Variants in SOX8 observed in about 807,000 individuals in gnomAD.
SOX8 encodes transcription factor SOX-8.
SOX8 carries 9 observed loss-of-function variants against 22.9 expected under a neutral mutation model. The observed-to-expected ratio is 0.39, with a 90% CI of 0.24 to 0.69. The LOEUF (loss-of-function observed/expected upper bound fraction) is 0.69, where lower values mean the gene tolerates loss of function less well. SOX8 is among the 30% of genes least tolerant of loss of function. SOX8 has a pLI of 0.43. For synonymous variants in SOX8, 416 were observed against 330.6 expected (o/e 1.26, Z -2.80); for missense variants, 734 against 699.4 (o/e 1.05, Z -0.56).
chr16:985,021 G>A lies in SOX8; in HGVS notation c.976G>A (p.Ala326Thr), dbSNP rs781343760. The A allele has an allele frequency of 6.0e-5, 91 of 1,515,946 alleles. 1 individual carries two copies. Among genetic ancestry groups the A allele is most frequent in the African/African-American group, 1.9e-4 (12 of 61,552 alleles). 93.9% of individuals were successfully genotyped at this position (1,515,946 alleles called of 1,614,324 possible). ...CCACAAGAGTGCCCCGTCGGCCTCC[G>A]CGTCGCCCACCGAGACGGGTCCCCC... is the stretch of plus-strand genomic sequence containing the variant. ...WAHKSAPSAS[A>T]SPTETGPPRP... Residue 326 changes from alanine to threonine, a missense_variant, in exon 3 of 3, where the codon GCG (alanine) becomes ACG (threonine). This residue lies in a region of SOX8 where 588 missense variants were observed against 568.2 expected (regional missense o/e 1.03). Coordinates refer to ENST00000293894, the MANE Select transcript of SOX8 (RefSeq NM_014587.5).
In SOX8 at chr16:981,917, G is replaced by C. The variant is rs765665070; in HGVS notation, c.-6G>C. 2.4e-6 allele frequency: 3 copies of C among 1,275,702 alleles called. No individual in the cohort carries two copies. In the East Asian group the frequency reaches 1.1e-4, roughly 45 times the overall value. 79.0% of individuals were successfully genotyped at this position (1,275,702 alleles called of 1,614,324 possible). On this transcript the variant is annotated 5_prime_UTR_variant, in exon 1 of 3. Transcript: ENST00000293894. ...TCCTGTGCGCGCCCCTCCGCGCGCG[G>C]CCCCGATGCTGGACATGAGCGAGGC...
At position 982,032 on chromosome 16, in the gene SOX8, C is replaced by T. The variant is rs762073600; in HGVS notation, c.110C>T (p.Ala37Val). The change falls in exon 1 of 3, where the codon GCC (alanine) becomes GTC (valine). Residue 37 changes from alanine to valine, a missense_variant. This residue lies in a region of SOX8 where 139 missense variants were observed against 109.1 expected (regional missense o/e 1.27). Coordinates refer to ENST00000293894, the MANE Select transcript of SOX8 (RefSeq NM_014587.5). ...GACTCGGACGCGCCGCCGTCTCCCG[C>T]CGGCTCCGAGGGCCTGGGCCGCGCG... ...DSDSDAPPSP[A>V]GSEGLGRAGV... The T allele has an allele frequency of 7.2e-7, 1 of 1,383,034 alleles. No homozygotes were observed. The highest frequency in any genetic ancestry group is 9.4e-7 in the Non-Finnish European group (1 of 1,069,308). 85.7% of individuals were successfully genotyped at this position (1,383,034 alleles called of 1,614,324 possible).
In SOX8 at chr16:985,137, G is replaced by C. The variant is rs745730363; in HGVS notation, c.1092G>C (p.Gln364His). ...CCGACTACGGTTCCTGCAGCGGCCA[G>C]TCCAGCGCCACCCCGGCCGCCCCCG... Reference protein sequence around the residue: ...GSPDYGSCSGQSSATPAAPAG... With the variant: ...GSPDYGSCSGHSSATPAAPAG... The change falls in exon 3 of 3, where the codon CAG becomes CAC. Residue 364 changes from glutamine (Q) to histidine (H), a missense_variant. Gln to His is a conservative substitution (Grantham distance 24, BLOSUM62 0). Transcript: ENST00000293894. The C allele has an allele frequency of 6.2e-7, 1 of 1,601,274 alleles. No homozygotes were observed. Among genetic ancestry groups the C allele is most frequent in the Non-Finnish European group, 8.5e-7 (1 of 1,175,974 alleles).
Position 983,791 on chromosome 16 carries a change from CAAG to C in SOX8, c.490_492del (p.Lys164del). The C allele has an allele frequency of 6.2e-7, 1 of 1,612,824 alleles. No homozygotes were observed. Among genetic ancestry groups the C allele is most frequent in the Non-Finnish European group, 8.5e-7 (1 of 1,179,834 alleles). ...AGGCAGAGCGCCTTCGCGTGCAGCA[CAAG>C]AAGGACCACCCCGACTACAAGTACC... On this transcript the variant is annotated inframe_deletion, in exon 2 of 3. Transcript: ENST00000293894.
Position 985,203 on chromosome 16 carries a change from G to A in SOX8, c.1158G>A (p.Leu386=), listed in dbSNP as rs1321958035. 6.2e-7 allele frequency: 1 copy of A among 1,611,788 alleles called. No individual in the cohort carries two copies. The highest frequency in any genetic ancestry group is 8.5e-7 in the Non-Finnish European group (1 of 1,179,502). Residue 386 remains leucine (L), a synonymous_variant, in exon 3 of 3, where the codon CTG becomes CTA. Coordinates refer to ENST00000293894, the MANE Select transcript of SOX8 (RefSeq NM_014587.5). The part of the protein sequence containing the change: ...FAGSQGDYGD[L]QASSYYGAYP... ...GCTCACAGGGCGACTATGGCGACCT[G>A]CAGGCCTCCAGCTACTATGGTGCCT...
rs923571995 is a variant in SOX8, at chr16:983,839, C to T, written c.534C>T (p.Ser178=). 4.3e-6 allele frequency: 7 copies of T among 1,612,760 alleles called. No homozygotes were observed. The South Asian group carries it at 4.4e-5, about 10-fold the overall frequency. ...AGTACCAGCCACGGCGCAGGAAGAGCGCCAAAGCCGGCCACAGCGACTCCG... is the reference window on the plus strand; with the variant it reads ...AGTACCAGCCACGGCGCAGGAAGAGTGCCAAAGCCGGCCACAGCGACTCCG... ...DYKYQPRRRK[S]AKAGHSDSDS... The change falls in exon 2 of 3, where the codon AGC becomes AGT. Residue 178 remains serine (S), a synonymous_variant. Coordinates refer to ENST00000293894, the MANE Select transcript of SOX8 (RefSeq NM_014587.5).
rs1464929155 is a variant in SOX8, at chr16:985,243, C to A, written c.1198C>A (p.Pro400Thr). Residue 400 changes from proline (P) to threonine (T), a missense_variant, in exon 3 of 3, where the codon CCC becomes ACC. Physicochemically the swap from Pro to Thr is conservative, Grantham distance 38 (BLOSUM62 -1). Transcript: ENST00000293894. ...CTATGGTGCCTACCCTGGCTACGCACCCGGCCTCTACCAGTACCCCTGCTT... is the reference window on the plus strand; with the variant it reads ...CTATGGTGCCTACCCTGGCTACGCAACCGGCCTCTACCAGTACCCCTGCTT... ...SYYGAYPGYA[P>T]GLYQYPCFHS... The A allele has an allele frequency of 6.2e-7, 1 of 1,612,170 alleles. No individual in the cohort carries two copies. Among genetic ancestry groups the A allele is most frequent in the Admixed American group, 1.7e-5 (1 of 60,010 alleles).
At position 985,421 on chromosome 16, in the gene SOX8, G is replaced by GC; in HGVS notation, c.*35_*36insC. On this transcript the variant is annotated 3_prime_UTR_variant, in exon 3 of 3. Transcript: ENST00000293894. ...CGCGGGGAGGGACTCGCAGGCGTCA[G>GC]GGGGCAGCCTTGTCCCGGCCCAGTG... is the stretch of plus-strand genomic sequence containing the variant. The GC allele has an allele frequency of 1.4e-6, 2 of 1,475,556 alleles. No individual in the cohort carries two copies. The highest frequency in any genetic ancestry group is 2.6e-5 in the South Asian group (2 of 75,836). 91.4% of individuals were successfully genotyped at this position (1,475,556 alleles called of 1,614,324 possible). A position where few individuals can be genotyped will look rare whatever the true frequency, so the allele number is the denominator to read the frequency against.
intron 2 of SOX8, among the ~76,000 whole-genome samples, chr16:984,420 C>T (rs1334574718): frequency 2.6e-5 from 4 of 152,168 alleles, no homozygotes; most frequent in African/African-American, 4.8e-5. Flanking sequence ...GCCCTGTAAA[C>T]CCCAGCTCTG....
Position 985,151 on chromosome 16 carries a change from C to G in SOX8, c.1106C>G (p.Pro369Arg). The change falls in exon 3 of 3, where the codon CCG (proline) becomes CGG (arginine). Residue 369 changes from proline to arginine, a missense_variant. This residue lies in a region of SOX8 where 588 missense variants were observed against 568.2 expected (regional missense o/e 1.03). Transcript: ENST00000293894. ...TGCAGCGGCCAGTCCAGCGCCACCC[C>G]GGCCGCCCCCGCCGGCCCCTTCGCC... ...GSCSGQSSAT[P>R]AAPAGPFAGS... 3.7e-6 allele frequency: 6 copies of G among 1,603,848 alleles called. No homozygotes were observed. Among genetic ancestry groups the G allele is most frequent in the Non-Finnish European group, 5.1e-6 (6 of 1,176,280 alleles).
chr16:986,732 T>G lies in SOX8; in HGVS notation c.*1346T>G, dbSNP rs1369980740. On this transcript the variant is annotated 3_prime_UTR_variant, in exon 3 of 3. Transcript: ENST00000293894. ...ACTTAAACACAGCCGAGAAGTTGCTTCTTTGTACTTTTTCTACTTTTCCTA... is the reference window on the plus strand; with the variant it reads ...ACTTAAACACAGCCGAGAAGTTGCTGCTTTGTACTTTTTCTACTTTTCCTA... 2 of 152,260 alleles carry G rather than the reference T, an allele frequency of 1.3e-5. No individual in the cohort carries two copies. The highest frequency in any genetic ancestry group is 2.9e-5 in the Non-Finnish European group (2 of 68,004). 9.4% of individuals were successfully genotyped at this position (152,260 alleles called of 1,614,324 possible).
intron 2 of SOX8, 121 bp downstream of exon 2, chr16:984,081 T>C: frequency 2.3e-6 from 2 of 877,768 alleles, no homozygotes; most frequent in Non-Finnish European, 1.6e-6. Flanking sequence ...AACCGGGCCT[T>C]CCCCGGGTTC....
rs2072042 is a variant in SOX8 at position 986,640 on chromosome 16, T to C, written c.*1254T>C. The stretch of plus-strand genomic sequence containing the variant: ...CCTGATTCACCTGCACTGCTTCCCC[T>C]GTGTGCTGAGCATAGAGCATACAAT... On this transcript the variant is annotated 3_prime_UTR_variant, in exon 3 of 3. Coordinates refer to ENST00000293894, the MANE Select transcript of SOX8 (RefSeq NM_014587.5). 0.56 allele frequency: 85,063 copies of C among 152,424 alleles called. 25,170 individuals carry two copies. Among genetic ancestry groups the C allele is most frequent in the African/African-American group, 0.77 (31,932 of 41,522 alleles). The allele number at this position is 152,424 out of a possible 1,614,324, so 9.4% of individuals were successfully genotyped here.
In SOX8 at chr16:982,294, C is replaced by A; in HGVS notation, c.372C>A (p.Tyr124Ter). The A allele has an allele frequency of 6.7e-7, 1 of 1,492,124 alleles. No individual in the cohort carries two copies. 92.4% of individuals were successfully genotyped at this position (1,492,124 alleles called of 1,614,324 possible). Residue 124 changes from tyrosine to a stop codon, truncating the protein, a stop_gained, in exon 1 of 3, where the codon TAC (tyrosine) becomes TAA (stop). Transcript: ENST00000293894. LOFTEE classifies it high-confidence loss of function. ...QAARRKLADQ[Y>*]PHLHNAELSK... ...CGCGCCGCAAGCTGGCCGACCAGTA[C>A]CCGCACCTGCACAACGCCGAGCTCA...
Position 985,357 on chromosome 16 carries a change from C to G in SOX8, c.1312C>G (p.Pro438Ala). The change falls in exon 3 of 3, where the codon CCG (proline) becomes GCG (alanine). Residue 438 changes from proline to alanine, a missense_variant. This residue lies in a region of SOX8 where 588 missense variants were observed against 568.2 expected (regional missense o/e 1.03). Transcript: ENST00000293894. ...CAGCCCCACCAGTCACTGGGACCAG[C>G]CGGTGTACACCACCCTGACCAGGCC... The part of the protein sequence containing the change: ...AHSPTSHWDQ[P>A]VYTTLTRP 1 of 1,581,222 alleles carries G rather than the reference C, an allele frequency of 6.3e-7. No individual in the cohort carries two copies. The highest frequency in any genetic ancestry group is 8.5e-7 in the Non-Finnish European group (1 of 1,169,826).
rs2073398800 is a variant in SOX8, at chr16:982,199, G to C, written c.277G>C (p.Gly93Arg). 1 of 1,509,270 alleles carries C rather than the reference G, an allele frequency of 6.6e-7. No homozygotes were observed. The allele number at this position is 1,509,270 out of a possible 1,614,324, so 93.5% of individuals were successfully genotyped here. Residue 93 changes from glycine to arginine, a missense_variant, in exon 1 of 3, where the codon GGC becomes CGC. Coordinates refer to ENST00000293894, the MANE Select transcript of SOX8 (RefSeq NM_014587.5). The stretch of plus-strand genomic sequence containing the variant: ...GCCCATGCCGGTGCGCGGCGGCGGC[G>C]GCGGCGCGCTCAAAGCCAAGCCGCA... ...LVPMPVRGGG[G>R]GALKAKPHVK...
chr16:984,648 A>T, intron 2 of SOX8, 53 bp from the exon 3 acceptor site: 4 of 1,208,988 alleles, frequency 3.3e-6, no homozygotes, highest in Non-Finnish European at 4.4e-6. Context: ...GGCCGGCCCC[A>T]CCCGCCCCAC....
Position 982,066 on chromosome 16 carries a change from G to C in SOX8, c.144G>C (p.Ala48=). ...GSEGLGRAGV[A]VGGARGDPAE... Reference sequence around the variant, plus strand: ...AGGGCCTGGGCCGCGCGGGGGTCGCGGTGGGGGGCGCCCGGGGCGACCCGG... The same window carrying C: ...AGGGCCTGGGCCGCGCGGGGGTCGCCGTGGGGGGCGCCCGGGGCGACCCGG... The change falls in exon 1 of 3, where the codon GCG becomes GCC. Residue 48 remains alanine (A), a synonymous_variant. Coordinates refer to ENST00000293894, the MANE Select transcript of SOX8 (RefSeq NM_014587.5). 1 of 1,296,478 alleles carries C rather than the reference G, an allele frequency of 7.7e-7. No individual in the cohort carries two copies. The highest frequency in any genetic ancestry group is 9.7e-7 in the Non-Finnish European group (1 of 1,031,712). The allele number at this position is 1,296,478 out of a possible 1,614,324, so 80.3% of individuals were successfully genotyped here.
chr16:983,835 A>G lies in SOX8; in HGVS notation c.530A>G (p.Lys177Arg). 2 of 1,612,786 alleles carry G rather than the reference A, an allele frequency of 1.2e-6. No individual in the cohort carries two copies. Among genetic ancestry groups the G allele is most frequent in the Non-Finnish European group, 8.5e-7 (1 of 1,179,820 alleles). Reference protein sequence around the residue: ...PDYKYQPRRRKSAKAGHSDSD... With the variant: ...PDYKYQPRRRRSAKAGHSDSD... ...TACAAGTACCAGCCACGGCGCAGGA[A>G]GAGCGCCAAAGCCGGCCACAGCGAC... is the stretch of plus-strand genomic sequence containing the variant. Residue 177 changes from lysine to arginine, a missense_variant, in exon 2 of 3, where the codon AAG (lysine) becomes AGG (arginine). By Grantham distance (26) the Lys-to-Arg change is conservative. Around this residue, in one of 3 missense-constraint regions of SOX8, gnomAD observed 588 missense variants for 568.2 expected, o/e 1.03. Transcript: ENST00000293894.
Sources: gnomAD v4.1 joint callset for allele counts (sites outside exome capture counted in the v4.1 genomes callset) on GRCh38, gnomAD v4.1.1 for gene constraint, gnomAD v4.1.1 regional missense constraint, MANE v1.5 for transcripts, NCBI Gene and HGNC (gene_info 2026-07-23, HGNC 2026-07-21) for gene names.